SGMS2: variants seen among roughly 807,000 people sequenced by gnomAD.
SGMS2 encodes the protein sphingomyelin synthase 2.
SGMS2 carries 21 observed loss-of-function variants against 43.8 expected under a neutral mutation model. The observed-to-expected ratio is 0.48, with a 90% confidence interval of 0.34 to 0.69. The LOEUF is 0.69. Among genes scored for constraint, SGMS2 ranks in the 30% least tolerant of loss-of-function variants. The pLI, the probability that SGMS2 is intolerant of heterozygous loss-of-function variation, is 0.01. For synonymous variants in SGMS2, 167 were observed against 160.6 expected, an observed-to-expected ratio of 1.04 and a Z score of -0.30; for missense variants, 384 against 443.2, an observed-to-expected ratio of 0.87 and a Z score of 1.20.
chr4:107,843,845 G>T (rs1726655988), intron 1 of SGMS2, among the ~76,000 whole-genome samples: 1 of 152,166 alleles, frequency 6.6e-6, no homozygotes, highest in African/African-American at 2.4e-5. Flanking sequence ...AAATTGAGAT[G>T]TTTTCATTTA....
chr4:107,884,494 A>G (rs890769587), intron 2 of SGMS2, among the ~76,000 whole-genome samples: 1 of 73,842 alleles, frequency 1.4e-5, no homozygotes, highest in Non-Finnish European at 2.5e-5. Context: ...CAAAAGATTT[A>G]AACAAAGGGG....
At chr4:107,898,685 T>TGAGGCAATGGTACA (rs1730874322) in intron 3 of SGMS2, among the ~76,000 whole-genome samples, 1 of 152,132 alleles carries the variant, frequency 6.6e-6, no homozygotes, top group Non-Finnish European at 1.5e-5. Flanking sequence ...TTCAGACCCA[T>TGAGGCAATGGTACA]GATGCCCATT....
Position 107,910,724 on chromosome 4 carries a change from C to T in SGMS2, c.*171C>T. The T allele has an allele frequency of 1.6e-6, 1 of 617,228 alleles. No homozygotes were observed. Among genetic ancestry groups the T allele is most frequent in the Admixed American group, 3.1e-5 (1 of 32,352 alleles). 38.2% of individuals were successfully genotyped at this position (617,228 alleles called of 1,614,324 possible). A position where few individuals can be genotyped will look rare whatever the true frequency, so the allele number is the denominator to read the frequency against. The stretch of plus-strand genomic sequence containing the variant: ...GTATTGCCCTTTGACTGGTTTTCTT[C>T]TTCATCCTGAGAAAGATACATTCTC... On this transcript the variant is annotated 3_prime_UTR_variant, in exon 7 of 7. Transcript: ENST00000690982.
intron 2 of SGMS2, among the ~76,000 whole-genome samples, chr4:107,860,721 C>T (rs1013230342): frequency 1.3e-5 from 2 of 152,004 alleles, no homozygotes; most frequent in African/African-American, 2.4e-5. Flanking sequence ...GATGGGGTTT[C>T]GCCATGTTGG....
At chr4:107,869,884 TG>T (rs1391651447) in intron 2 of SGMS2, among the ~76,000 whole-genome samples, 10 of 152,312 alleles carry the variant, frequency 6.6e-5, no homozygotes, top group African/African-American at 2.4e-4. Context: ...AATGGACTTT[TG>T]GGTCATAGGG....
At chr4:107,835,361 C>T (rs6835763) in intron 1 of SGMS2, among the ~76,000 whole-genome samples, 6,149 of 152,106 alleles carry the variant, frequency 0.04, 426 homozygotes, top group African/African-American at 0.14. Context: ...TTAAATGCAT[C>T]CTTTTTAGAT....
rs77898710 is a variant in SGMS2 at position 107,885,603 on chromosome 4, T to C, written c.-244-9707T>C. Among the ~76,000 whole-genome samples, 1,377 of 152,302 alleles carry C rather than the reference T, an allele frequency of 9.0e-3. 16 individuals are homozygous for C. The highest frequency in any genetic ancestry group is 0.031 in the African/African-American group (1,297 of 41,574). ...ACACATCCATAGACACCATTGTGCT[T>C]CTGTGTTTTACTTCTACATCTCTAC... On this transcript the variant is annotated intron_variant, in intron 2 of 6. Transcript: ENST00000690982.
intron 2 of SGMS2, among the ~76,000 whole-genome samples, chr4:107,871,499 G>A (rs573212089): frequency 8.5e-4 from 129 of 152,142 alleles, no homozygotes; most frequent in Admixed American, 6.5e-3. Context: ...AATCAAAAAT[G>A]CCTTGAGGAC....
intron 5 of SGMS2, 72 bp from the exon 6 acceptor site, chr4:107,908,493 G>T: frequency 6.8e-7 from 1 of 1,463,730 alleles, no homozygotes; most frequent in Non-Finnish European, 9.4e-7. Flanking sequence ...ACTTAAGGTC[G>T]TTAGGACAGA....
At chr4:107,851,117 G>A (rs971528233) in intron 1 of SGMS2, among the ~76,000 whole-genome samples, 3 of 152,130 alleles carry the variant, frequency 2.0e-5, no homozygotes, top group Non-Finnish European at 2.9e-5. Context: ...GTGAAATAGG[G>A]GTTTATGTAA....
chr4:107,858,087 C>T (rs1354639096), intron 1 of SGMS2, among the ~76,000 whole-genome samples: 2 of 147,610 alleles, frequency 1.4e-5, no homozygotes, highest in East Asian at 2.2e-4. Context: ...TGCTCTACAT[C>T]GACCACATCA....
At chr4:107,893,193 A>G (rs542231945) in intron 2 of SGMS2, 3 of 152,234 alleles carry the variant, frequency 2.0e-5, no homozygotes, top group Admixed American at 6.5e-5. Context: ...AAAGGTTACT[A>G]ATTGGATTTT....
rs79917797 is a variant in SGMS2 at position 107,900,602 on chromosome 4, G to A, written c.573+910G>A. ...GAAACCATCCTAAGAAGGAATTACAGTTTATCCAGGAAGAGCGAGTTCTTG... is the reference window on the plus strand; with the variant it reads ...GAAACCATCCTAAGAAGGAATTACAATTTATCCAGGAAGAGCGAGTTCTTG... On this transcript the variant is annotated intron_variant, in intron 4 of 6. Coordinates refer to ENST00000690982, the MANE Select transcript of SGMS2 (RefSeq NM_001375905.1). Among the ~76,000 whole-genome samples, 182 of 152,286 alleles carry A rather than the reference G, an allele frequency of 1.2e-3. 4 individuals are homozygous for A. The East Asian group carries it at 0.034, about 28-fold the overall frequency.
intron 1 of SGMS2, among the ~76,000 whole-genome samples, chr4:107,841,483 G>A (rs1003373452): frequency 1.3e-5 from 2 of 151,830 alleles, no homozygotes; most frequent in East Asian, 1.9e-4. Context: ...AGAATGCATG[G>A]TCTAGCAGTA....
intron 4 of SGMS2, among the ~76,000 whole-genome samples, chr4:107,900,806 A>T (rs1419538753): frequency 6.6e-6 from 1 of 152,214 alleles, no homozygotes; most frequent in Non-Finnish European, 1.5e-5. Context: ...AGTCTCCCTC[A>T]CCAAATATAG....
Position 107,914,205 on chromosome 4 carries a change from A to C in SGMS2, c.*3652A>C, listed in dbSNP as rs997541635. On this transcript the variant is annotated 3_prime_UTR_variant, in exon 7 of 7. Coordinates refer to ENST00000690982, the MANE Select transcript of SGMS2 (RefSeq NM_001375905.1). ...TGACTTCAACACCCAAACACTGAAA[A>C]TCATGTCAATGTTACCCAAAGATAA... 4 of 152,072 alleles carry C rather than the reference A, an allele frequency of 2.6e-5. No individual in the cohort carries two copies. The highest frequency in any genetic ancestry group is 9.7e-5 in the African/African-American group (4 of 41,428). The allele number at this position is 152,072 out of a possible 1,614,324, so 9.4% of individuals were successfully genotyped here.
chr4:107,825,835 G>A (rs1725559720), intron 1 of SGMS2, among the ~76,000 whole-genome samples: 1 of 151,980 alleles, frequency 6.6e-6, no homozygotes, highest in Non-Finnish European at 1.5e-5. Flanking sequence ...AATTATCCAC[G>A]GCTTGAAACC....
At chr4:107,838,173 A>G (rs1294594457) in intron 1 of SGMS2, among the ~76,000 whole-genome samples, 1 of 152,180 alleles carries the variant, frequency 6.6e-6, no homozygotes, top group Non-Finnish European at 1.5e-5. Context: ...CGAAAGAACA[A>G]TGTCCCAGAT....
chr4:107,846,286 C>T (rs1375308312), intron 1 of SGMS2, among the ~76,000 whole-genome samples: 2 of 121,048 alleles, frequency 1.7e-5, no homozygotes, highest in Non-Finnish European at 3.3e-5. Context: ...CAATAGTACC[C>T]AGAGTGTGAT....
Sources: gnomAD v4.1 joint callset for allele counts (sites outside exome capture counted in the v4.1 genomes callset) on GRCh38, gnomAD v4.1.1 for gene constraint, MANE v1.5 for transcripts, NCBI Gene and HGNC (gene_info 2026-07-23, HGNC 2026-07-21) for gene names.